OTUD7A: variants seen among roughly 807,000 people sequenced by gnomAD.
The protein encoded by OTUD7A is OTU deubiquitinase 7A.
A neutral mutation model predicts 65.7 loss-of-function variants in OTUD7A; 12 were observed. The ratio of observed to expected loss-of-function variants is 0.18; its 90% CI spans 0.12 to 0.30. The LOEUF is 0.30. Among genes scored for constraint, OTUD7A ranks in the 10% least tolerant of loss-of-function variants. The pLI is 1.00. For missense variants in OTUD7A, 1,148 were observed against 1,304.8 expected, an observed-to-expected ratio of 0.88 and a Z score of 1.85; for synonymous variants, 641 against 586.3, an observed-to-expected ratio of 1.09 and a Z score of -1.35.
chr15:31,850,177 T>C (rs750127016), intron 1 of OTUD7A, among the ~76,000 whole-genome samples: 3 of 152,250 alleles, frequency 2.0e-5, no homozygotes, highest in Non-Finnish European at 4.4e-5. Context: ...CCATCAATGA[T>C]AGATTGGATT....
intron 5 of OTUD7A, among the ~76,000 whole-genome samples, chr15:31,532,405 C>T (rs1467563971): frequency 6.6e-6 from 1 of 151,850 alleles, no homozygotes; most frequent in Non-Finnish European, 1.5e-5. Context: ...CTGAAAAATA[C>T]AACTCTGATT....
At chr15:31,814,508 C>G (rs1896500215) in intron 1 of OTUD7A, among the ~76,000 whole-genome samples, 1 of 151,768 alleles carries the variant, frequency 6.6e-6, no homozygotes, top group Non-Finnish European at 1.5e-5. Context: ...AAATGGAATT[C>G]AAAAACCTTG....
At chr15:31,662,885 A>G (rs1269376033) in intron 1 of OTUD7A, among the ~76,000 whole-genome samples, 1 of 152,218 alleles carries the variant, frequency 6.6e-6, no homozygotes, top group East Asian at 1.9e-4. Context: ...ATGATAGCAT[A>G]TTACACAGTT....
At chr15:31,757,255 T>C (rs1241739605) in intron 1 of OTUD7A, among the ~76,000 whole-genome samples, 1 of 151,946 alleles carries the variant, frequency 6.6e-6, no homozygotes, top group Admixed American at 6.6e-5. Context: ...ACCCCAAAGT[T>C]TGGGGAAGTT....
chr15:31,607,440 G>A (rs932057050), intron 3 of OTUD7A, among the ~76,000 whole-genome samples: 3 of 152,088 alleles, frequency 2.0e-5, no homozygotes, highest in African/African-American at 7.2e-5. Context: ...AGTGGCCTTG[G>A]ATTACTAATG....
chr15:31,777,396 T>C (rs931682935), intron 1 of OTUD7A, among the ~76,000 whole-genome samples: 2 of 152,206 alleles, frequency 1.3e-5, no homozygotes, highest in African/African-American at 4.8e-5. Context: ...GTTATCCAAA[T>C]GGTCAACGCT....
At chr15:31,627,603 CCCA>C (rs1891001624) in intron 3 of OTUD7A, among the ~76,000 whole-genome samples, 1 of 152,086 alleles carries the variant, frequency 6.6e-6, no homozygotes, top group Non-Finnish European at 1.5e-5. Context: ...TGGGTATGTA[CCCA>C]GTAATGGGAT....
intron 1 of OTUD7A, among the ~76,000 whole-genome samples, chr15:31,667,030 G>GC (rs1892339260): frequency 6.6e-6 from 1 of 152,038 alleles, no homozygotes; most frequent in Non-Finnish European, 1.5e-5. Flanking sequence ...ATTTACTGAG[G>GC]CTCATTTTGA....
intron 1 of OTUD7A, among the ~76,000 whole-genome samples, chr15:31,662,229 T>A (rs909481603): frequency 5.9e-5 from 9 of 152,202 alleles, no homozygotes; most frequent in African/African-American, 2.2e-4. Context: ...TTAGCTGGAA[T>A]TCTTAAAGGG....
intron 3 of OTUD7A, among the ~76,000 whole-genome samples, chr15:31,653,940 C>T (rs1891914723): frequency 8.4e-6 from 1 of 119,264 alleles, no homozygotes; most frequent in Non-Finnish European, 1.7e-5. Flanking sequence ...TATATCACAA[C>T]TTCTAATATT....
chr15:31,605,185 TG>T (rs895464239), intron 3 of OTUD7A, among the ~76,000 whole-genome samples: 7 of 126,628 alleles, frequency 5.5e-5, no homozygotes, highest in African/African-American at 2.1e-4. Context: ...TCGGTGCGTG[TG>T]GGTGTGCAGG....
At chr15:31,664,296 C>G (rs1417358120) in intron 1 of OTUD7A, among the ~76,000 whole-genome samples, 1 of 93,488 alleles carries the variant, frequency 1.1e-5, no homozygotes, top group Non-Finnish European at 2.0e-5. Flanking sequence ...CCAGAACATT[C>G]CCTGTTCACC....
intron 5 of OTUD7A, among the ~76,000 whole-genome samples, chr15:31,555,015 T>G (rs1441087654): frequency 6.6e-6 from 1 of 152,080 alleles, no homozygotes; most frequent in Non-Finnish European, 1.5e-5. Flanking sequence ...TCTGTGGGTT[T>G]TATGGGAGTT....
At chr15:31,714,752 C>T (rs934646529) in intron 1 of OTUD7A, among the ~76,000 whole-genome samples, 3 of 152,146 alleles carry the variant, frequency 2.0e-5, no homozygotes, top group African/African-American at 7.2e-5. Context: ...TTGATCAGTT[C>T]ATTTAGTTTA....
intron 10 of OTUD7A, among the ~76,000 whole-genome samples, chr15:31,494,808 C>G (rs2041361138): frequency 6.6e-6 from 1 of 152,234 alleles, no homozygotes. Context: ...TCCTGTCCTG[C>G]AGGTAGGACA....
chr15:31,607,621 C>A (rs925324539), intron 3 of OTUD7A, among the ~76,000 whole-genome samples: 1 of 152,092 alleles, frequency 6.6e-6, no homozygotes, highest in Admixed American at 6.5e-5. Context: ...TTCCTATTGC[C>A]TAGTGATGTT....
chr15:31,477,898 G>C lies in OTUD7A; in HGVS notation c.*5396C>G, dbSNP rs1019052057. ...ATGCAGAGAGGTGGGTAGGGAGGGAGGGTGGGGTGTGTTGTCCTTTTAAAT... is the reference window on the plus strand; with the variant it reads ...ATGCAGAGAGGTGGGTAGGGAGGGACGGTGGGGTGTGTTGTCCTTTTAAAT... On this transcript the variant is annotated 3_prime_UTR_variant, in exon 13 of 13. Coordinates refer to ENST00000307050, the MANE Select transcript of OTUD7A (RefSeq NM_001382637.1). 6.6e-6 allele frequency: 1 copy of C among 151,938 alleles called. No homozygotes were observed. 9.4% of individuals were successfully genotyped at this position (151,938 alleles called of 1,614,324 possible).
intron 1 of OTUD7A, among the ~76,000 whole-genome samples, chr15:31,786,111 G>A (rs528801958): frequency 2.0e-5 from 3 of 152,132 alleles, no homozygotes; most frequent in East Asian, 1.9e-4. Flanking sequence ...GATGCCGTGC[G>A]CCACCTGGGG....
intron 3 of OTUD7A, among the ~76,000 whole-genome samples, chr15:31,574,147 C>T (rs1889134794): frequency 6.6e-6 from 1 of 152,034 alleles, no homozygotes; most frequent in South Asian, 2.1e-4. Flanking sequence ...TAAAGGCAAA[C>T]TTATATAACC....
Sources: gnomAD v4.1 joint callset for allele counts (sites outside exome capture counted in the v4.1 genomes callset) on GRCh38, gnomAD v4.1.1 for gene constraint, MANE v1.5 for transcripts, NCBI Gene and HGNC (gene_info 2026-07-23, HGNC 2026-07-21) for gene names.